The following ANKRD55 variants were observed in gnomAD, a reference collection of about 807,000 sequenced individuals.
ANKRD55 encodes the protein ankyrin repeat domain-containing protein 55.
In ANKRD55, 41 loss-of-function variants were observed where a neutral mutation model predicts 60.6. That is an observed-to-expected ratio of 0.68 (90% CI 0.53 to 0.88). The LOEUF (loss-of-function observed/expected upper bound fraction) is 0.88, where lower values mean the gene tolerates loss of function less well. ANKRD55 is among the 40% of genes least tolerant of loss of function. ANKRD55 has a pLI of 0.00. For missense variants in ANKRD55, 732 were observed against 767.6 expected (o/e 0.95, Z 0.55); for synonymous variants, 264 against 290.3 (o/e 0.91, Z 0.92).
intron 2 of ANKRD55, among the ~76,000 whole-genome samples, chr5:56,229,265 C>T (rs185148491): frequency 6.6e-6 from 1 of 152,224 alleles, no homozygotes; most frequent in African/African-American, 2.4e-5. Context: ...GGCTTTACTA[C>T]AGGTCGCTTC....
At chr5:56,131,979 C>G (rs1196924598) in intron 7 of ANKRD55, among the ~76,000 whole-genome samples, 1 of 151,568 alleles carries the variant, frequency 6.6e-6, no homozygotes, top group Non-Finnish European at 1.5e-5. Flanking sequence ...GTTCAAATTA[C>G]TAACAGCTAC....
At chr5:56,127,498 C>T (rs1757302754) in intron 7 of ANKRD55, 2 of 985,110 alleles carry the variant, frequency 2.0e-6, no homozygotes, top group South Asian at 9.4e-5. Flanking sequence ...GGCTGACCAC[C>T]AAGAAACTGA....
intron 6 of ANKRD55, among the ~76,000 whole-genome samples, chr5:56,148,464 A>G (rs533763386): frequency 8.5e-5 from 13 of 152,180 alleles, no homozygotes; most frequent in Non-Finnish European, 1.6e-4. Flanking sequence ...TTGAGGGGAA[A>G]TGTTAAGTTT....
At chr5:56,113,022 C>T (rs1035969345) in intron 9 of ANKRD55, among the ~76,000 whole-genome samples, 16 of 152,026 alleles carry the variant, frequency 1.1e-4, no homozygotes, top group African/African-American at 3.9e-4. Flanking sequence ...AGAGAGAGAG[C>T]CCCAGGGCAC....
rs988811641 is a variant in ANKRD55, at chr5:56,135,455, C to T, written c.612+8346G>A. ...TGCGATCTTGGCTCACTGTGACCTCCGCCTCCCAGGTTCAAGCGATTCTCC... is the reference window on the plus strand; with the variant it reads ...TGCGATCTTGGCTCACTGTGACCTCTGCCTCCCAGGTTCAAGCGATTCTCC... On this transcript the variant is annotated intron_variant, in intron 7 of 11. Coordinates refer to ENST00000341048, the MANE Select transcript of ANKRD55 (RefSeq NM_024669.3). Among the ~76,000 whole-genome samples the T allele has an allele frequency of 4.6e-5, 7 of 151,396 alleles. No homozygotes were observed. In the East Asian group the frequency reaches 7.8e-4, roughly 17 times the overall value.
rs142447793 is a variant in ANKRD55 at position 56,232,745 on chromosome 5, A to AACACACACAC, written c.58+101_58+110dup. 496 of 871,530 alleles carry AACACACACAC rather than the reference A, an allele frequency of 5.7e-4. 3 individuals carry two copies. In the African/African-American group the frequency reaches 6.5e-3, roughly 11 times the overall value. The allele number at this position is 871,530 out of a possible 1,614,324, so 54.0% of individuals were successfully genotyped here. On this transcript the variant is annotated intron_variant, in intron 2 of 11. Transcript: ENST00000341048. ...ATACTCATGCACACCCACGCACATG[A>AACACACACAC]ACACACACACACACACACACACACT...
chr5:56,222,068 C>T (rs762940363), intron 2 of ANKRD55, among the ~76,000 whole-genome samples: 21 of 152,004 alleles, frequency 1.4e-4, no homozygotes, highest in African/African-American at 4.6e-4. Flanking sequence ...CCCTGACCCC[C>T]GAGTAGCCTA....
intron 2 of ANKRD55, among the ~76,000 whole-genome samples, chr5:56,188,968 G>A (rs1252835915): frequency 6.6e-6 from 1 of 152,102 alleles, no homozygotes; most frequent in Non-Finnish European, 1.5e-5. Context: ...GCAGTGATAG[G>A]CCTTTTCCAT....
intron 7 of ANKRD55, among the ~76,000 whole-genome samples, chr5:56,130,730 G>A (rs965428246): frequency 6.6e-6 from 1 of 152,168 alleles, no homozygotes; most frequent in Non-Finnish European, 1.5e-5. Context: ...GCTGTAAATG[G>A]ATAAAGTGGA....
intron 8 of ANKRD55, among the ~76,000 whole-genome samples, chr5:56,121,644 T>A (rs551632178): frequency 6.6e-6 from 1 of 151,960 alleles, no homozygotes; most frequent in Admixed American, 6.6e-5. Context: ...GTGCTGGGAT[T>A]ACAGGAGTGA....
rs571472683 is a variant in ANKRD55 at position 56,199,764 on chromosome 5, G to A, written c.59-16130C>T. Among the ~76,000 whole-genome samples, 612 of 151,858 alleles carry A rather than the reference G, an allele frequency of 4.0e-3. 4 individuals are homozygous for A. Among genetic ancestry groups the A allele is most frequent in the Non-Finnish European group, 6.7e-3 (454 of 67,936 alleles). On this transcript the variant is annotated intron_variant, in intron 2 of 11. Coordinates refer to ENST00000341048, the MANE Select transcript of ANKRD55 (RefSeq NM_024669.3). ...AAATTAGCTGGGCGTGGTGGCGGGCGCCTGTAGTCCCAGCTACTTGGGAGG... is the reference window on the plus strand; with the variant it reads ...AAATTAGCTGGGCGTGGTGGCGGGCACCTGTAGTCCCAGCTACTTGGGAGG...
At chr5:56,218,905 T>C (rs1759890724) in intron 2 of ANKRD55, among the ~76,000 whole-genome samples, 1 of 152,184 alleles carries the variant, frequency 6.6e-6, no homozygotes, top group Non-Finnish European at 1.5e-5. Flanking sequence ...TAGATGAATC[T>C]GAGTAAAAGG....
chr5:56,127,500 A>G lies in ANKRD55; in HGVS notation c.613-394T>C, dbSNP rs560475156. 1.0e-4 allele frequency: 99 copies of G among 985,362 alleles called. No individual in the cohort carries two copies. The South Asian group carries it at 3.9e-3, about 39-fold the overall frequency. 61.0% of individuals were successfully genotyped at this position (985,362 alleles called of 1,614,324 possible). ...CATTTGCTGTAGAGGCTGACCACCA[A>G]GAAACTGACAGAGTTCATCTTAATG... On this transcript the variant is annotated intron_variant, in intron 7 of 11. Transcript: ENST00000341048.
chr5:56,163,854 G>C (rs1373929005), intron 5 of ANKRD55, among the ~76,000 whole-genome samples: 2 of 152,186 alleles, frequency 1.3e-5, no homozygotes, highest in Non-Finnish European at 2.9e-5. Context: ...CACTTTGGGA[G>C]ACCAAGGTGG....
intron 6 of ANKRD55, among the ~76,000 whole-genome samples, chr5:56,148,433 A>C (rs773263611): frequency 2.0e-5 from 3 of 152,232 alleles, no homozygotes; most frequent in Non-Finnish European, 4.4e-5. Flanking sequence ...TCAGTTAAAA[A>C]TATAAGCTCT....
At chr5:56,102,991 C>A (rs1308981786) in intron 10 of ANKRD55, among the ~76,000 whole-genome samples, 1 of 152,158 alleles carries the variant, frequency 6.6e-6, no homozygotes, top group Non-Finnish European at 1.5e-5. Context: ...GTCCTGGCTG[C>A]ACATAGGAAT....
chr5:56,105,398 T>C (rs1354287319), intron 10 of ANKRD55, among the ~76,000 whole-genome samples: 2 of 152,224 alleles, frequency 1.3e-5, no homozygotes, highest in African/African-American at 4.8e-5. Context: ...GGTGGAGCTG[T>C]TCTTATTAGC....
intron 11 of ANKRD55, 93 bp from the exon 12 acceptor site, chr5:56,100,397 C>A: frequency 6.7e-7 from 1 of 1,489,290 alleles, no homozygotes; most frequent in Non-Finnish European, 9.3e-7. Flanking sequence ...GGAGTCGAGG[C>A]ATTTCTAAGA....
intron 4 of ANKRD55, among the ~76,000 whole-genome samples, chr5:56,171,826 A>C (rs763243926): frequency 7.2e-5 from 11 of 152,206 alleles, no homozygotes; most frequent in Non-Finnish European, 1.6e-4. Context: ...AGCAATAAAA[A>C]TCAAAATGTT....
Sources: allele counts gnomAD v4.1 joint callset (sites outside exome capture counted in the v4.1 genomes callset), GRCh38; gene constraint gnomAD v4.1.1; transcripts MANE v1.5; gene names NCBI Gene and HGNC (gene_info 2026-07-23, HGNC 2026-07-21).